The following STIP1 variants were observed in gnomAD, a reference collection of about 807,000 sequenced individuals.
STIP1 encodes the protein stress induced phosphoprotein 1, also known as stress-induced-phosphoprotein 1.
Under a neutral mutation model 77.4 loss-of-function variants are expected in STIP1, and 16 were observed. The observed-to-expected ratio is 0.21, with a 90% CI of 0.14 to 0.31. STIP1 has a LOEUF of 0.31. STIP1 is among the 10% of genes least tolerant of loss of function. The pLI is 1.00. For synonymous variants in STIP1, 258 were observed against 246.6 expected, an observed-to-expected ratio of 1.05 and a Z score of -0.44; for missense variants, 524 against 684.8, an observed-to-expected ratio of 0.77 and a Z score of 2.62.
At chr11:64,195,416 A>C (rs1946138266) in intron 4 of STIP1, among the ~76,000 whole-genome samples, 1 of 151,928 alleles carries the variant, frequency 6.6e-6, no homozygotes, top group African/African-American at 2.4e-5. Context: ...GTGCTCCGCT[A>C]TCTGTGACTT....
upstream of STIP1, chr11:64,185,918 A>C: frequency 6.5e-7 from 1 of 1,536,282 alleles, no homozygotes; most frequent in South Asian, 1.2e-5. Context: ...GCAGTGCAAA[A>C]GACCAATCCG....
At chr11:64,196,559 C>T (rs1946152756) in intron 5 of STIP1, among the ~76,000 whole-genome samples, 1 of 152,042 alleles carries the variant, frequency 6.6e-6, no homozygotes, top group Admixed American at 6.6e-5. Context: ...TAATTCACGT[C>T]CTTGTCGTGA....
chr11:64,199,644 G>A (rs2134804521), intron 8 of STIP1, among the ~76,000 whole-genome samples: 1 of 147,738 alleles, frequency 6.8e-6, no homozygotes, highest in South Asian at 2.2e-4. Context: ...CTCACTGCAA[G>A]CTTCCGCCTC....
chr11:64,189,816 C>T (rs1946071173), intron 1 of STIP1, among the ~76,000 whole-genome samples: 1 of 152,188 alleles, frequency 6.6e-6, no homozygotes, highest in Non-Finnish European at 1.5e-5. Flanking sequence ...AGGAACTTCA[C>T]CAGCTGCCTC....
At position 64,195,826 on chromosome 11, in the gene STIP1, T is replaced by A; in HGVS notation, c.672+13T>A. On this transcript the variant is annotated intron_variant, in intron 5 of 13. Coordinates refer to ENST00000305218, the MANE Select transcript of STIP1 (RefSeq NM_006819.3). ...GAATAAGAAGCAGGTCTTGTTTTTT[T>A]CTCTCCTCACTGTCACCTATCTATA... The A allele has an allele frequency of 6.2e-7, 1 of 1,614,028 alleles. No individual in the cohort carries two copies. The highest frequency in any genetic ancestry group is 8.5e-7 in the Non-Finnish European group (1 of 1,179,956).
At position 64,197,861 on chromosome 11, in the gene STIP1, G is replaced by A; in HGVS notation, c.910G>A (p.Ala304Thr). ...EDYRQIAKAY[A>T]RIGNSYFKEE... ...TCCCTCTTTCTTTATCAGAGCATAT[G>A]CTCGAATTGGCAACTCCTACTTCAA... Residue 304 changes from alanine to threonine, a missense_variant, in exon 8 of 14, where the codon GCT (alanine) becomes ACT (threonine). Coordinates refer to ENST00000305218, the MANE Select transcript of STIP1 (RefSeq NM_006819.3). 1 of 1,611,960 alleles carries A rather than the reference G, an allele frequency of 6.2e-7. No homozygotes were observed. The highest frequency in any genetic ancestry group is 8.5e-7 in the Non-Finnish European group (1 of 1,179,776).
chr11:64,189,673 T>TA (rs1301309183), intron 1 of STIP1, among the ~76,000 whole-genome samples: 3 of 152,322 alleles, frequency 2.0e-5, no homozygotes, highest in Admixed American at 2.0e-4. Context: ...TATTTACTGT[T>TA]ATGTGCACTG....
chr11:64,189,481 T>G (rs1274382944), intron 1 of STIP1, among the ~76,000 whole-genome samples: 1 of 151,980 alleles, frequency 6.6e-6, no homozygotes, highest in African/African-American at 2.4e-5. Flanking sequence ...GAGCCAAGAT[T>G]GCGCCACTGC....
In STIP1 at chr11:64,186,282, G is replaced by C. The variant is rs1045235958; in HGVS notation, c.9+12G>C. The C allele has an allele frequency of 1.4e-5, 21 of 1,547,218 alleles. No individual in the cohort carries two copies. The highest frequency in any genetic ancestry group is 2.0e-5 in the Admixed American group (1 of 50,828). Reference sequence around the variant, plus strand: ...GCGCTATGGAGCAGGTGAAGGGGGAGGGGCGGGCTGAGGCCCCGAGCCTGC... The same window carrying C: ...GCGCTATGGAGCAGGTGAAGGGGGACGGGCGGGCTGAGGCCCCGAGCCTGC... On this transcript the variant is annotated intron_variant, in intron 1 of 13. Transcript: ENST00000305218.
At chr11:64,202,787 A>T (rs1037543891) in intron 10 of STIP1, 89 bp from the exon 11 acceptor site, 4 of 1,445,454 alleles carry the variant, frequency 2.8e-6, no homozygotes, top group African/African-American at 2.8e-5. Context: ...TGGGTGAGGC[A>T]TTAGAGTTGG....
At chr11:64,201,961 G>A (rs1946223278) in intron 10 of STIP1, among the ~76,000 whole-genome samples, 1 of 152,184 alleles carries the variant, frequency 6.6e-6, no homozygotes, top group South Asian at 2.1e-4. Context: ...TGAATATCTG[G>A]TGTATCTTCC....
At chr11:64,196,880 C>G (rs1946156558) in intron 5 of STIP1, 1 of 191,766 alleles carries the variant, frequency 5.2e-6, no homozygotes, top group African/African-American at 2.4e-5. Context: ...TGCTATGGTT[C>G]CCTGACAACT....
intron 1 of STIP1, among the ~76,000 whole-genome samples, chr11:64,192,707 C>G (rs1034151132): frequency 1.3e-5 from 2 of 152,206 alleles, no homozygotes; most frequent in Non-Finnish European, 2.9e-5. Flanking sequence ...TAGGGCTGTG[C>G]TCTGTTTGTC....
At chr11:64,203,266 T>C (rs1307814543) in intron 12 of STIP1, 38 bp downstream of exon 12, 1 of 1,606,796 alleles carries the variant, frequency 6.2e-7, no homozygotes, top group Non-Finnish European at 8.5e-7. Context: ...CCCCCCTGCC[T>C]CTTTCTCTGT....
rs868736831 is a variant in STIP1 at position 64,203,161 on chromosome 11, C to T, written c.1319C>T (p.Ala440Val). The T allele has an allele frequency of 3.7e-6, 6 of 1,614,080 alleles. No homozygotes were observed. The highest frequency in any genetic ancestry group is 1.7e-5 in the Admixed American group (1 of 60,006). The change falls in exon 12 of 14, where the codon GCG (alanine) becomes GTG (valine). Residue 440 changes from alanine to valine, a missense_variant. Physicochemically the swap from Ala to Val is moderately conservative, Grantham distance 64. Transcript: ENST00000305218. ...ACACGGAAAGCCGCTGCGCTGGAAG[C>T]GATGAAGGACTACACCAAAGCCATG... ...GYTRKAAALE[A>V]MKDYTKAMDV...
Position 64,199,943 on chromosome 11 carries a change from G to A in STIP1, c.1027G>A (p.Glu343Lys), listed in dbSNP as rs772380911. The change falls in exon 9 of 14, where the codon GAG (glutamate) becomes AAG (lysine). Residue 343 changes from glutamate to lysine, a missense_variant. By Grantham distance (56) the Glu-to-Lys change is moderately conservative (BLOSUM62 1). Coordinates refer to ENST00000305218, the MANE Select transcript of STIP1 (RefSeq NM_006819.3). ...PDVLKKCQQAEKILKEQERLA... is the reference protein window; with the variant it reads ...PDVLKKCQQAKKILKEQERLA... ...TTTCAAGAATTATGTTTTGTAGGCA[G>A]AGAAAATCCTGAAGGAGCAAGAGCG... 6.2e-7 allele frequency: 1 copy of A among 1,614,138 alleles called. No homozygotes were observed. Among genetic ancestry groups the A allele is most frequent in the Non-Finnish European group, 8.5e-7 (1 of 1,180,026 alleles).
intron 1 of STIP1, among the ~76,000 whole-genome samples, chr11:64,192,364 A>G (rs1946102662): frequency 6.6e-6 from 1 of 152,098 alleles, no homozygotes; most frequent in African/African-American, 2.4e-5. Flanking sequence ...CTTGCACTTT[A>G]TATGTTTGAG....
intron 1 of STIP1, among the ~76,000 whole-genome samples, chr11:64,187,522 T>C (rs981506222): frequency 1.7e-4 from 26 of 152,210 alleles, no homozygotes; most frequent in African/African-American, 5.5e-4. Context: ...GCTGAGCCTT[T>C]GGTCTCTTGT....
chr11:64,197,297 C>T lies in STIP1; in HGVS notation c.699C>T (p.Asn233=), dbSNP rs753497401. ...CACTGAAAGAAAAAGAGCTGGGGAA[C>T]GATGCCTACAAGAAGAAAGACTTTG... is the stretch of plus-strand genomic sequence containing the variant. ...KQALKEKELG[N]DAYKKKDFDT... is the part of the protein sequence containing the mutation. The change falls in exon 6 of 14, where the codon AAC becomes AAT. Residue 233 remains asparagine, a synonymous_variant. Coordinates refer to ENST00000305218, the MANE Select transcript of STIP1 (RefSeq NM_006819.3). 62 of 1,613,920 alleles carry T rather than the reference C, an allele frequency of 3.8e-5. No individual in the cohort carries two copies. The highest frequency in any genetic ancestry group is 1.6e-4 in the Middle Eastern group (1 of 6,084).
Sources: gnomAD v4.1 joint callset for allele counts (sites outside exome capture counted in the v4.1 genomes callset) on GRCh38, gnomAD v4.1.1 for gene constraint, MANE v1.5 for transcripts, NCBI Gene and HGNC (gene_info 2026-07-23, HGNC 2026-07-21) for gene names.